The following LARS1 variants were observed in gnomAD, a reference collection of about 807,000 sequenced individuals.
The protein encoded by LARS1 is leucyl-tRNA synthetase 1.
Under a neutral mutation model 162.8 loss-of-function variants are expected in LARS1, and 100 were observed. The observed-to-expected ratio is 0.61, with a 90% confidence interval of 0.52 to 0.73. The LOEUF (loss-of-function observed/expected upper bound fraction) is 0.73, where lower values mean the gene tolerates loss of function less well. LARS1 is among the 30% of genes least tolerant of loss of function. The probability of loss-of-function intolerance (pLI) is 0.00; values close to 1 mark genes in which losing one functional copy is unlikely to be tolerated. For synonymous variants in LARS1, 457 were observed against 462.8 expected, an observed-to-expected ratio of 0.99 and a Z score of 0.16; for missense variants, 1,258 against 1,408.9, an observed-to-expected ratio of 0.89 and a Z score of 1.71.
intron 8 of LARS1, among the ~76,000 whole-genome samples, chr5:146,158,007 T>C (rs184305461): frequency 6.6e-6 from 1 of 152,254 alleles, no homozygotes; most frequent in East Asian, 1.9e-4. Flanking sequence ...CCCAAAATAG[T>C]GTTTGCCAAA....
chr5:146,182,577 C>T lies in LARS1; in HGVS notation c.-84G>A, dbSNP rs1754921849. On this transcript the variant is annotated 5_prime_UTR_variant, in exon 1 of 32. Coordinates refer to ENST00000394434, the MANE Select transcript of LARS1 (RefSeq NM_020117.11). ...GAGTGGTTACCTTTCCCCTCCCTCT[C>T]GGGGATGCCAGGCCTCCCACGAAAC... The T allele has an allele frequency of 6.4e-7, 1 of 1,568,396 alleles. No individual in the cohort carries two copies. Among genetic ancestry groups the T allele is most frequent in the South Asian group, 1.1e-5 (1 of 90,184 alleles).
intron 21 of LARS1, among the ~76,000 whole-genome samples, chr5:146,136,074 C>T (rs1752487974): frequency 6.6e-6 from 1 of 152,184 alleles, no homozygotes; most frequent in Non-Finnish European, 1.5e-5. Flanking sequence ...TTTTAGGAAC[C>T]CTCCTATCAT....
In LARS1 at chr5:146,142,924, T is replaced by C. The variant is rs1484599990; in HGVS notation, c.2038A>G (p.Asn680Asp). The change falls in exon 20 of 32, where the codon AAT (asparagine) becomes GAT (aspartate). Residue 680 changes from asparagine to aspartate, a missense_variant. Transcript: ENST00000394434. Reference sequence around the variant, plus strand: ...TTATAAAGGTAATATGAAAGATGATTTGGAACAAGATCCTTGCCAGAGACG... The same window carrying C: ...TTATAAAGGTAATATGAAAGATGATCTGGAACAAGATCCTTGCCAGAGACG... ...LRVSGKDLVP[N>D]HLSYYLYNHV... is the part of the protein sequence containing the mutation. The C allele has an allele frequency of 2.5e-6, 4 of 1,613,898 alleles. No individual in the cohort carries two copies. Among genetic ancestry groups the C allele is most frequent in the African/African-American group, 1.3e-5 (1 of 74,914 alleles).
At chr5:146,143,129 A>ATAT in intron 19 of LARS1, 45 bp from the exon 20 acceptor site, 16 of 1,051,002 alleles carry the variant, frequency 1.5e-5, no homozygotes, top group Admixed American at 7.0e-5. Flanking sequence ...ATATATATGT[A>ATAT]ATTTCTTTGG....
chr5:146,115,258 C>T (rs1764158001), intron 31 of LARS1, among the ~76,000 whole-genome samples: 1 of 151,862 alleles, frequency 6.6e-6, no homozygotes, highest in African/African-American at 2.4e-5. Flanking sequence ...AACCATTGTA[C>T]AGAATATCGA....
At chr5:146,162,421 A>AT (rs527608592) in intron 6 of LARS1, among the ~76,000 whole-genome samples, 216 of 149,838 alleles carry the variant, frequency 1.4e-3, no homozygotes, top group Middle Eastern at 6.9e-3. Flanking sequence ...TTTGAAAGAA[A>AT]TTTTTTTTTT....
chr5:146,123,876 C>G, intron 29 of LARS1, 106 bp downstream of exon 29: 1 of 544,858 alleles, frequency 1.8e-6, no homozygotes, highest in Non-Finnish European at 3.1e-6. Flanking sequence ...AACAAAGATA[C>G]TAAACACAGA....
At chr5:146,125,534 G>A (rs1752005832) in intron 28 of LARS1, among the ~76,000 whole-genome samples, 2 of 151,892 alleles carry the variant, frequency 1.3e-5, no homozygotes, top group African/African-American at 4.8e-5. Flanking sequence ...TGCTACTTAA[G>A]TGTGTTAGGT....
At position 146,153,720 on chromosome 5, in the gene LARS1, A is replaced by G; in HGVS notation, c.1230+14T>C. ...GGTGAGGACGAAATACAAACATGAA[A>G]CTCAGATACTTACTTGCTTTTTCTT... On this transcript the variant is annotated intron_variant, in intron 12 of 31. Transcript: ENST00000394434. 6.2e-7 allele frequency: 1 copy of G among 1,605,708 alleles called. No individual in the cohort carries two copies. Among genetic ancestry groups the G allele is most frequent in the Admixed American group, 1.7e-5 (1 of 59,994 alleles).
intron 28 of LARS1, among the ~76,000 whole-genome samples, chr5:146,125,107 T>G (rs1361191279): frequency 6.6e-6 from 1 of 151,932 alleles, no homozygotes; most frequent in Non-Finnish European, 1.5e-5. Flanking sequence ...TCATCAAAAT[T>G]AATTGCCTTT....
chr5:146,179,143 A>G (rs1016714416), intron 1 of LARS1, among the ~76,000 whole-genome samples: 1 of 152,072 alleles, frequency 6.6e-6, no homozygotes, highest in African/African-American at 2.4e-5. Context: ...AAGACAGGAG[A>G]ATTACCTGAA....
chr5:146,132,970 T>G lies in LARS1; in HGVS notation c.2324A>C (p.Lys775Thr). The G allele has an allele frequency of 3.7e-6, 6 of 1,614,152 alleles. No homozygotes were observed. The highest frequency in any genetic ancestry group is 5.1e-6 in the Non-Finnish European group (6 of 1,179,998). ...LRLYTWVEWV[K>T]EMVANWDSLR... ...GCTGTCCCAGTTGGCAACCATTTCTTTCACCCACTCTACCCAGGTGTACAG... is the reference window on the plus strand; with the variant it reads ...GCTGTCCCAGTTGGCAACCATTTCTGTCACCCACTCTACCCAGGTGTACAG... The change falls in exon 23 of 32, where the codon AAA (lysine) becomes ACA (threonine). Residue 775 changes from lysine (K) to threonine (T), a missense_variant. Lys to Thr is a moderately conservative substitution (Grantham distance 78). Coordinates refer to ENST00000394434, the MANE Select transcript of LARS1 (RefSeq NM_020117.11).
At chr5:146,160,833 A>G (rs1458580974) in intron 6 of LARS1, among the ~76,000 whole-genome samples, 1 of 152,214 alleles carries the variant, frequency 6.6e-6, no homozygotes, top group Admixed American at 6.5e-5. Context: ...ATATGTCAAT[A>G]TACATTCTAA....
intron 6 of LARS1, among the ~76,000 whole-genome samples, chr5:146,161,110 T>C (rs1424815159): frequency 1.3e-5 from 2 of 152,258 alleles, no homozygotes; most frequent in East Asian, 1.9e-4. Flanking sequence ...TTATACTATA[T>C]TGAATTATGT....
At chr5:146,152,179 T>G (rs1193434898) in intron 13 of LARS1, among the ~76,000 whole-genome samples, 177 bp from the exon 14 acceptor site, 2 of 152,146 alleles carry the variant, frequency 1.3e-5, no homozygotes, top group Non-Finnish European at 2.9e-5. Flanking sequence ...AAATTTGTCC[T>G]TCTACTCTCC....
Position 146,120,379 on chromosome 5 carries a change from C to A in LARS1, c.3317G>T (p.Gly1106Val). 6.2e-7 allele frequency: 1 copy of A among 1,612,996 alleles called. No individual in the cohort carries two copies. Among genetic ancestry groups the A allele is most frequent in the Non-Finnish European group, 8.5e-7 (1 of 1,179,242 alleles). The part of the protein sequence containing the change: ...IIRRLMKMNR[G>V]IKDLSKVKLM... Reference sequence around the variant, plus strand: ...TTTGGGGAACAACTTACCTTTAATTCCTCGATTCATTTTCATTAAACGCCT... The same window carrying A: ...TTTGGGGAACAACTTACCTTTAATTACTCGATTCATTTTCATTAAACGCCT... The change falls in exon 31 of 32, where the codon GGA becomes GTA. Residue 1106 changes from glycine (G) to valine (V), a missense_variant. Physicochemically the swap from Gly to Val is moderately radical, Grantham distance 109. Coordinates refer to ENST00000394434, the MANE Select transcript of LARS1 (RefSeq NM_020117.11).
chr5:146,169,980 C>A lies in LARS1; in HGVS notation c.295-1715G>T, dbSNP rs139783338. Among the ~76,000 whole-genome samples the A allele has an allele frequency of 1.9e-3, 284 of 152,184 alleles. 10 individuals are homozygous for A. In the East Asian group the frequency reaches 0.034, roughly 18 times the overall value. On this transcript the variant is annotated intron_variant, in intron 4 of 31. Coordinates refer to ENST00000394434, the MANE Select transcript of LARS1 (RefSeq NM_020117.11). ...GAGGTGATACAATGGTAAGTTAATA[C>A]CTCAACAATGAAGTATTCTTGTCAA...
Position 146,168,157 on chromosome 5 carries a change from T to C in LARS1, c.403A>G (p.Ile135Val). 6.2e-7 allele frequency: 1 copy of C among 1,609,050 alleles called. No homozygotes were observed. Among genetic ancestry groups the C allele is most frequent in the Non-Finnish European group, 8.5e-7 (1 of 1,176,116 alleles). The change falls in exon 5 of 32, where the codon ATA becomes GTA. Residue 135 changes from isoleucine (I) to valine (V), a missense_variant. Ile to Val is a conservative substitution (Grantham distance 29). Transcript: ENST00000394434. ...TTTCCTTTAGCTTTATCCTTAATTA[T>C]TATATCTTCTGTTTTAACACTGGTT... is the stretch of plus-strand genomic sequence containing the variant. ...EETSVKTEDI[I>V]IKDKAKGKKS... is the part of the protein sequence containing the mutation.
chr5:146,172,327 C>A (rs1180976863), intron 3 of LARS1, among the ~76,000 whole-genome samples: 2 of 151,976 alleles, frequency 1.3e-5, no homozygotes, highest in South Asian at 2.1e-4. Flanking sequence ...ACCATCCTGG[C>A]CAATATGGTG....
Sources: allele counts gnomAD v4.1 joint callset (sites outside exome capture counted in the v4.1 genomes callset), GRCh38; gene constraint gnomAD v4.1.1; transcripts MANE v1.5; gene names NCBI Gene and HGNC (gene_info 2026-07-23, HGNC 2026-07-21).